KHDRBS3: variants seen among roughly 807,000 people sequenced by gnomAD.
KHDRBS3 encodes KH domain-containing, RNA-binding, signal transduction-associated protein 3.
A neutral mutation model predicts 45.6 loss-of-function variants in KHDRBS3; 23 were observed. The ratio of observed to expected loss-of-function variants is 0.50; its 90% confidence interval spans 0.36 to 0.72. The LOEUF (loss-of-function observed/expected upper bound fraction) is 0.72. KHDRBS3 is among the 30% of genes least tolerant of loss of function. The pLI is 0.00. For missense variants in KHDRBS3, 352 were observed against 424.8 expected (o/e 0.83, Z 1.51); for synonymous variants, 162 against 156.5 (o/e 1.04, Z -0.26).
intron 5 of KHDRBS3, among the ~76,000 whole-genome samples, chr8:135,569,652 A>C (rs1827603881): frequency 6.6e-6 from 1 of 152,162 alleles, no homozygotes; most frequent in African/African-American, 2.4e-5. Flanking sequence ...GAACGTGTGA[A>C]TCTACTTAGA....
rs1032744502 is a variant in KHDRBS3 at position 135,501,048 on chromosome 8, T to G, written c.89-20189T>G. 3.9e-5 allele frequency among the ~76,000 whole-genome samples: 6 copies of G among 152,208 alleles called. No homozygotes were observed. In the South Asian group the frequency reaches 8.3e-4, roughly 21 times the overall value. ...AAATGACCCTCCTGCATTTGTTTCC[T>G]TCCTTTGAAGATTAATTAAGATGGT... On this transcript the variant is annotated intron_variant, in intron 1 of 8. Coordinates refer to ENST00000355849, the MANE Select transcript of KHDRBS3 (RefSeq NM_006558.3).
chr8:135,484,210 A>G (rs1485977895), intron 1 of KHDRBS3, among the ~76,000 whole-genome samples: 1 of 152,218 alleles, frequency 6.6e-6, no homozygotes, highest in Admixed American at 6.5e-5. Context: ...GACTGGGTAG[A>G]CCCCTCTTGG....
chr8:135,469,522 G>GT (rs1491553952), intron 1 of KHDRBS3, among the ~76,000 whole-genome samples: 633 of 20,748 alleles, frequency 0.031, 23 homozygotes, highest in South Asian at 0.046. Flanking sequence ...TTTTTGTTTT[G>GT]GTTTTTTTTT....
chr8:135,614,202 A>G (rs571653509), intron 7 of KHDRBS3, among the ~76,000 whole-genome samples: 3 of 151,962 alleles, frequency 2.0e-5, no homozygotes, highest in African/African-American at 7.3e-5. Context: ...AATTATTCTA[A>G]TACACATTGG....
chr8:135,645,992 A>ATTTTTTTTTTTTTTT (rs57082119), intron 8 of KHDRBS3, among the ~76,000 whole-genome samples: 5 of 100,688 alleles, frequency 5.0e-5, no homozygotes, highest in Non-Finnish European at 7.3e-5. Context: ...TGCACCTTGG[A>ATTTTTTTTTTTTTTT]TTTTTTTTTT....
chr8:135,633,038 C>T (rs1043058024), intron 7 of KHDRBS3, among the ~76,000 whole-genome samples: 1 of 38,118 alleles, frequency 2.6e-5, no homozygotes, highest in African/African-American at 8.3e-5. Flanking sequence ...TTCTTCCAAT[C>T]TCTTAGCTGC....
chr8:135,546,455 C>A (rs552159271), intron 3 of KHDRBS3, among the ~76,000 whole-genome samples: 1 of 152,140 alleles, frequency 6.6e-6, no homozygotes, highest in Non-Finnish European at 1.5e-5. Flanking sequence ...GGTTACATAG[C>A]ATAATAATCA....
At chr8:135,650,938 G>A (rs1831416227), downstream of KHDRBS3, among the ~76,000 whole-genome samples, 1 of 152,182 alleles carries the variant, frequency 6.6e-6, no homozygotes, top group Non-Finnish European at 1.5e-5. Context: ...CACCTGCTGT[G>A]TTGCAGATGG....
intron 4 of KHDRBS3, among the ~76,000 whole-genome samples, chr8:135,556,472 C>T (rs1424450931): frequency 6.6e-6 from 1 of 152,196 alleles, no homozygotes; most frequent in Non-Finnish European, 1.5e-5. Flanking sequence ...GATTGCATTT[C>T]TCTAATGGCC....
At chr8:135,611,457 A>T (rs757606726) in intron 7 of KHDRBS3, among the ~76,000 whole-genome samples, 21 of 151,912 alleles carry the variant, frequency 1.4e-4, no homozygotes, top group Non-Finnish European at 2.8e-4. Context: ...AAGCAGCTAT[A>T]TATAGTGTGG....
chr8:135,544,153 G>A (rs992781572), intron 3 of KHDRBS3, among the ~76,000 whole-genome samples: 25 of 152,130 alleles, frequency 1.6e-4, no homozygotes, highest in African/African-American at 5.6e-4. Context: ...AAGGCCATCT[G>A]GTAATGGGCT....
intron 3 of KHDRBS3, among the ~76,000 whole-genome samples, chr8:135,543,042 TATC>T (rs1826121117): frequency 6.6e-6 from 1 of 152,176 alleles, no homozygotes; most frequent in Non-Finnish European, 1.5e-5. Flanking sequence ...ATATTAAAAT[TATC>T]ATGAAAAGAA....
Position 135,602,266 on chromosome 8 carries a change from A to G in KHDRBS3, c.808-4689A>G, listed in dbSNP as rs530298658. On this transcript the variant is annotated intron_variant, in intron 6 of 8. Coordinates refer to ENST00000355849, the MANE Select transcript of KHDRBS3 (RefSeq NM_006558.3). ...CTTTTCTCCTATTGCACCCTGCTTC[A>G]TGCTTCCCTATATGTTTCAAGCGTT... is the stretch of plus-strand genomic sequence containing the variant. 2.5e-3 allele frequency among the ~76,000 whole-genome samples: 387 copies of G among 152,290 alleles called. 1 individual carries two copies. The highest frequency in any genetic ancestry group is 8.9e-3 in the African/African-American group (370 of 41,560).
At chr8:135,548,407 A>G (rs1207262867) in intron 3 of KHDRBS3, among the ~76,000 whole-genome samples, 2 of 152,204 alleles carry the variant, frequency 1.3e-5, no homozygotes, top group African/African-American at 4.8e-5. Flanking sequence ...GAAGCACAAA[A>G]GAAGTGTGGG....
At chr8:135,555,981 C>T (rs950821832) in intron 4 of KHDRBS3, among the ~76,000 whole-genome samples, 7 of 152,176 alleles carry the variant, frequency 4.6e-5, no homozygotes, top group East Asian at 1.9e-4. Flanking sequence ...TGAGAACGTG[C>T]GGTATTTGGT....
chr8:135,643,343 T>G (rs1831145098), intron 7 of KHDRBS3, among the ~76,000 whole-genome samples: 2 of 152,200 alleles, frequency 1.3e-5, no homozygotes, highest in Admixed American at 1.3e-4. Context: ...GTGCCCCTTC[T>G]CCGTATACCC....
chr8:135,546,146 TAAATA>T (rs1306251258), intron 3 of KHDRBS3, among the ~76,000 whole-genome samples: 1 of 149,554 alleles, frequency 6.7e-6, no homozygotes, highest in African/African-American at 2.5e-5. Flanking sequence ...CCCAAAAAAA[TAAATA>T]AATTAAAAAA....
At chr8:135,498,087 G>GTAT (rs1290856552) in intron 1 of KHDRBS3, among the ~76,000 whole-genome samples, 1 of 151,978 alleles carries the variant, frequency 6.6e-6, no homozygotes, top group African/African-American at 2.4e-5. Context: ...GCATGGCTCT[G>GTAT]TATGAAGGGG....
At chr8:135,545,601 G>A (rs1024881263) in intron 3 of KHDRBS3, among the ~76,000 whole-genome samples, 2 of 152,052 alleles carry the variant, frequency 1.3e-5, no homozygotes, top group African/African-American at 4.8e-5. Flanking sequence ...GGCTGCAAGC[G>A]GTGCACCCTA....
Sources: allele counts gnomAD v4.1 joint callset (sites outside exome capture counted in the v4.1 genomes callset), GRCh38; gene constraint gnomAD v4.1.1; transcripts MANE v1.5; gene names NCBI Gene and HGNC (gene_info 2026-07-23, HGNC 2026-07-21).